FREM2: variants seen among roughly 807,000 people sequenced by gnomAD.
The protein encoded by FREM2 is FRAS1-related extracellular matrix protein 2.
Under a neutral mutation model 219.9 loss-of-function variants are expected in FREM2, and 119 were observed. That is an observed-to-expected ratio of 0.54 (90% confidence interval 0.47 to 0.63). The LOEUF (loss-of-function observed/expected upper bound fraction) is 0.63. Ranked by LOEUF, FREM2 falls within the 30% of genes least tolerant of loss-of-function variation. The pLI is 0.00. For missense variants in FREM2, 4,030 were observed against 3,993.6 expected (o/e 1.01, Z -0.25); for synonymous variants, 1,562 against 1,522.8 (o/e 1.03, Z -0.60).
chr13:38,746,244 T>G (rs1271974415), intron 2 of FREM2, among the ~76,000 whole-genome samples: 1 of 152,200 alleles, frequency 6.6e-6, no homozygotes, highest in East Asian at 1.9e-4. Context: ...CTATTTTACC[T>G]TTTGATAAGG....
intron 1 of FREM2, among the ~76,000 whole-genome samples, chr13:38,696,359 G>C (rs760650626): frequency 6.6e-6 from 1 of 152,118 alleles, no homozygotes; most frequent in African/African-American, 2.4e-5. Flanking sequence ...GGCATCATTG[G>C]TCCATCCTAA....
chr13:38,724,235 G>T (rs1871418732), intron 2 of FREM2, among the ~76,000 whole-genome samples: 1 of 152,214 alleles, frequency 6.6e-6, no homozygotes, highest in Non-Finnish European at 1.5e-5. Context: ...TCTGAGAACA[G>T]TGGAAAACTA....
chr13:38,759,021 A>G (rs759173421), intron 2 of FREM2, among the ~76,000 whole-genome samples: 4 of 152,188 alleles, frequency 2.6e-5, no homozygotes, highest in Non-Finnish European at 5.9e-5. Context: ...CAGCAGAGTG[A>G]CACCATGTCT....
At chr13:38,807,188 GTTATATATATAT>G (rs1280814108) in intron 6 of FREM2, among the ~76,000 whole-genome samples, 898 of 66,414 alleles carry the variant, frequency 0.014, 82 homozygotes, top group African/African-American at 0.032. Context: ...TCTTGTCTCT[GTTATATATATAT>G]ATATATATAT....
In FREM2 at chr13:38,689,492, C is replaced by G. The variant is rs761519355; in HGVS notation, c.2148C>G (p.Ser716=). 1 of 1,614,058 alleles carries G rather than the reference C, an allele frequency of 6.2e-7. No individual in the cohort carries two copies. Among genetic ancestry groups the G allele is most frequent in the Non-Finnish European group, 8.5e-7 (1 of 1,179,994 alleles). Residue 716 remains serine, a synonymous_variant, in exon 1 of 24, where the codon TCC becomes TCG. Coordinates refer to ENST00000280481, the MANE Select transcript of FREM2 (RefSeq NM_207361.6). ...GCPLRMVVQE[S]QLTPLRKKWL... ...CCCTTCGTATGGTGGTACAGGAATCCCAGCTCACACCACTGAGGAAGAAGT... is the reference window on the plus strand; with the variant it reads ...CCCTTCGTATGGTGGTACAGGAATCGCAGCTCACACCACTGAGGAAGAAGT...
chr13:38,786,237 T>C (rs902163016), intron 6 of FREM2, among the ~76,000 whole-genome samples: 2 of 152,224 alleles, frequency 1.3e-5, no homozygotes, highest in African/African-American at 4.8e-5. Context: ...CAGCTTCTGC[T>C]ACCTTTGTGT....
intron 2 of FREM2, among the ~76,000 whole-genome samples, chr13:38,706,639 T>G (rs1230283441): frequency 6.6e-6 from 1 of 152,228 alleles, no homozygotes. Flanking sequence ...GATTTTATTT[T>G]ATGAAAATAT....
In FREM2 at chr13:38,687,254, T is replaced by TGGCACTTCCC. The variant is rs1422764127; in HGVS notation, c.-87_-78dup. On this transcript the variant is annotated 5_prime_UTR_variant, in exon 1 of 24. Transcript: ENST00000280481. ...CCCCGCGGGCAACGCGCGGAGTTCC[T>TGGCACTTCCC]GGCACTTCCCGGCGGTGTCTCTTGT... The TGGCACTTCCC allele has an allele frequency of 6.5e-7, 1 of 1,526,796 alleles. No individual in the cohort carries two copies. Among genetic ancestry groups the TGGCACTTCCC allele is most frequent in the African/African-American group, 1.4e-5 (1 of 72,498 alleles). 94.6% of individuals were successfully genotyped at this position (1,526,796 alleles called of 1,614,324 possible).
chr13:38,788,384 T>G (rs1874417931), intron 6 of FREM2, among the ~76,000 whole-genome samples: 1 of 152,120 alleles, frequency 6.6e-6, no homozygotes, highest in South Asian at 2.1e-4. Context: ...ATGGTTTATC[T>G]ATTAATACTG....
intron 2 of FREM2, among the ~76,000 whole-genome samples, chr13:38,712,895 A>T (rs1261008128): frequency 6.6e-6 from 1 of 152,200 alleles, no homozygotes. Flanking sequence ...TAATTCTCAT[A>T]GTAATTAAGT....
chr13:38,801,126 T>C (rs981016336), intron 6 of FREM2, among the ~76,000 whole-genome samples: 2 of 152,272 alleles, frequency 1.3e-5, no homozygotes, highest in Non-Finnish European at 2.9e-5. Context: ...TACTCTATTG[T>C]TGAAACTTGT....
intron 2 of FREM2, among the ~76,000 whole-genome samples, chr13:38,757,084 T>C (rs763260295): frequency 3.3e-5 from 5 of 152,168 alleles, no homozygotes; most frequent in Non-Finnish European, 7.4e-5. Flanking sequence ...GAGCAGTTTG[T>C]AAATATGGAA....
chr13:38,861,397 T>C, intron 14 of FREM2, 34 bp from the exon 15 acceptor site: 1 of 1,611,016 alleles, frequency 6.2e-7, no homozygotes, highest in Non-Finnish European at 8.5e-7. Context: ...GATTACCTTC[T>C]TTTCGCATAA....
intron 6 of FREM2, among the ~76,000 whole-genome samples, chr13:38,807,740 A>T (rs979190750): frequency 6.6e-6 from 1 of 151,916 alleles, no homozygotes; most frequent in Non-Finnish European, 1.5e-5. Context: ...TATGTTGTAA[A>T]CGGATGTACT....
At chr13:38,821,001 C>G (rs1294000540) in intron 6 of FREM2, among the ~76,000 whole-genome samples, 1 of 152,126 alleles carries the variant, frequency 6.6e-6, no homozygotes, top group Non-Finnish European at 1.5e-5. Flanking sequence ...TATTTTCTGA[C>G]ATTGGTGGAT....
chr13:38,753,358 G>A (rs921636236), intron 2 of FREM2, among the ~76,000 whole-genome samples: 3 of 152,118 alleles, frequency 2.0e-5, no homozygotes, highest in Non-Finnish European at 4.4e-5. Flanking sequence ...TAAATGGAAA[G>A]ACCACTAAAC....
In FREM2 at chr13:38,690,831, T is replaced by C. The variant is rs1238450389; in HGVS notation, c.3487T>C (p.Phe1163Leu). Residue 1163 changes from phenylalanine (F) to leucine (L), a missense_variant, in exon 1 of 24, where the codon TTT becomes CTT. Phe to Leu is a conservative substitution (Grantham distance 22). Coordinates refer to ENST00000280481, the MANE Select transcript of FREM2 (RefSeq NM_207361.6). ...AGGGGTGGAACCTGTGGAGGACCGA[T>C]TTGTATTTCGTTGTTCTGATGGCAT... is the stretch of plus-strand genomic sequence containing the variant. ...HKGVEPVEDR[F>L]VFRCSDGINF... 1 of 1,613,990 alleles carries C rather than the reference T, an allele frequency of 6.2e-7. No individual in the cohort carries two copies. Among genetic ancestry groups the C allele is most frequent in the East Asian group, 2.2e-5 (1 of 44,890 alleles).
chr13:38,830,662 A>G (rs1035847804), intron 6 of FREM2, among the ~76,000 whole-genome samples: 3 of 152,124 alleles, frequency 2.0e-5, no homozygotes, highest in Admixed American at 6.5e-5. Flanking sequence ...GCCCTTTCCT[A>G]TACTACAGCC....
intron 3 of FREM2, among the ~76,000 whole-genome samples, chr13:38,765,796 G>A (rs1041111160): frequency 3.3e-5 from 5 of 152,062 alleles, no homozygotes; most frequent in African/African-American, 4.8e-5. Flanking sequence ...TTGCAGGGGG[G>A]CTGGTCTCCC....
Sources: allele counts gnomAD v4.1 joint callset (sites outside exome capture counted in the v4.1 genomes callset), GRCh38; gene constraint gnomAD v4.1.1; transcripts MANE v1.5; gene names NCBI Gene and HGNC (gene_info 2026-07-23, HGNC 2026-07-21).